The following CASR variants were observed in gnomAD, a reference collection of about 807,000 sequenced individuals.
The protein encoded by CASR is extracellular calcium-sensing receptor.
Under a neutral mutation model 69.1 loss-of-function variants are expected in CASR, and 23 were observed. That is an observed-to-expected ratio of 0.33 (90% CI 0.24 to 0.47). CASR has a LOEUF of 0.47. Among genes scored for constraint, CASR ranks in the 20% least tolerant of loss-of-function variants. The pLI is 1.00. For synonymous variants in CASR, 541 were observed against 544.7 expected (o/e 0.99, Z 0.10); for missense variants, 924 against 1,356.1 (o/e 0.68, Z 5.00).
chr3:122,264,913 C>T (rs1297009719), intron 4 of CASR, among the ~76,000 whole-genome samples: 1 of 152,192 alleles, frequency 6.6e-6, no homozygotes, highest in Non-Finnish European at 1.5e-5. Context: ...ATAATCTAAT[C>T]CAAGTCTCCA....
intron 1 of CASR, among the ~76,000 whole-genome samples, chr3:122,209,129 A>G (rs1210257114): frequency 6.6e-6 from 1 of 152,200 alleles, no homozygotes; most frequent in Non-Finnish European, 1.5e-5. Flanking sequence ...TACGTGACTC[A>G]GTAGGTCTGA....
intron 5 of CASR, among the ~76,000 whole-genome samples, chr3:122,281,480 C>T (rs942073904): frequency 1.3e-5 from 2 of 152,100 alleles, no homozygotes; most frequent in Non-Finnish European, 2.9e-5. Context: ...TTAATGTTTT[C>T]TCTATATGAA....
chr3:122,253,075 A>G (rs1393828906), intron 1 of CASR, among the ~76,000 whole-genome samples: 2 of 152,238 alleles, frequency 1.3e-5, no homozygotes, highest in African/African-American at 2.4e-5. Flanking sequence ...TGAATTTCGT[A>G]TAAGAACTGT....
chr3:122,232,636 G>A (rs12630852), intron 1 of CASR, among the ~76,000 whole-genome samples: 11,436 of 152,176 alleles, frequency 0.075, 959 homozygotes, highest in East Asian at 0.49. Context: ...CCCAGGAATC[G>A]CCAGGTGGGA....
intron 1 of CASR, among the ~76,000 whole-genome samples, chr3:122,231,303 T>C (rs1246034724): frequency 6.6e-6 from 1 of 152,134 alleles, no homozygotes; most frequent in African/African-American, 2.4e-5. Flanking sequence ...TGGGCTAAAC[T>C]AGGCATTCTA....
At chr3:122,226,388 C>T (rs999514329) in intron 1 of CASR, among the ~76,000 whole-genome samples, 7 of 152,022 alleles carry the variant, frequency 4.6e-5, no homozygotes, top group African/African-American at 1.5e-4. Context: ...TGCAGACCTT[C>T]GCAGTGAGTG....
rs375005541 is a variant in CASR, at chr3:122,261,944, C to G, written c.909C>G (p.Ser303=). 4.8e-5 allele frequency: 78 copies of G among 1,614,052 alleles called. No individual in the cohort carries two copies. The highest frequency in any genetic ancestry group is 1.3e-4 in the Admixed American group (8 of 60,012). ...CCAGCGAGGCCTGGGCCAGCTCCTC[C>G]CTGATCGCCATGCCTCAGTACTTCC... ...WLASEAWASS[S]LIAMPQYFHV... is the part of the protein sequence containing the mutation. Residue 303 remains serine, a synonymous_variant, in exon 4 of 7, where the codon TCC becomes TCG. Transcript: ENST00000639785.
rs2074627999 is a variant in CASR, at chr3:122,261,855, C to T, written c.820C>T (p.Pro274Ser). 2 of 1,614,058 alleles carry T rather than the reference C, an allele frequency of 1.2e-6. No homozygotes were observed. Among genetic ancestry groups the T allele is most frequent in the African/African-American group, 1.3e-5 (1 of 74,928 alleles). Residue 274 changes from proline to serine, a missense_variant, in exon 4 of 7, where the codon CCA becomes TCA. Coordinates refer to ENST00000639785, the MANE Select transcript of CASR (RefSeq NM_000388.4). ...AKVIVVFSSG[P>S]DLEPLIKEIV... ...AGTCATCGTGGTTTTCTCCAGTGGC[C>T]CAGATCTTGAGCCCCTCATCAAGGA...
At chr3:122,213,828 C>T (rs1410077293) in intron 1 of CASR, among the ~76,000 whole-genome samples, 2 of 152,230 alleles carry the variant, frequency 1.3e-5, no homozygotes. Context: ...TCTGAGATGA[C>T]TTACTCATAC....
chr3:122,282,555 A>C (rs532701031), intron 6 of CASR, among the ~76,000 whole-genome samples: 3 of 152,288 alleles, frequency 2.0e-5, no homozygotes, highest in South Asian at 4.1e-4. Context: ...CAGACTCCAG[A>C]GTTAATAGGC....
chr3:122,257,092 G>T lies in CASR; in HGVS notation c.197G>T (p.Arg66Leu), dbSNP rs1276839362. ...CTTCTTTCTTCCAGGTATAATTTCC[G>T]TGGGTTTCGCTGGTTACAGGCTATG... is the stretch of plus-strand genomic sequence containing the variant. ...ESVECIRYNF[R>L]GFRWLQAMIF... Residue 66 changes from arginine (R) to leucine (L), a missense_variant, in exon 3 of 7, where the codon CGT becomes CTT. By Grantham distance (102) the Arg-to-Leu change is moderately radical. This residue lies in a region of CASR where 141 missense variants were observed against 283.0 expected (regional missense o/e 0.50). Coordinates refer to ENST00000639785, the MANE Select transcript of CASR (RefSeq NM_000388.4). 6.2e-7 allele frequency: 1 copy of T among 1,613,928 alleles called. No individual in the cohort carries two copies. The highest frequency in any genetic ancestry group is 8.5e-7 in the Non-Finnish European group (1 of 1,179,876).
chr3:122,202,023 C>T (rs1429987929), intron 1 of CASR, among the ~76,000 whole-genome samples: 5 of 152,148 alleles, frequency 3.3e-5, no homozygotes, highest in African/African-American at 9.7e-5. Flanking sequence ...GGGTGGCAGC[C>T]GGGCAGAGGC....
At chr3:122,268,976 A>C (rs2074724145) in intron 4 of CASR, among the ~76,000 whole-genome samples, 1 of 152,216 alleles carries the variant, frequency 6.6e-6, no homozygotes, top group South Asian at 2.1e-4. Flanking sequence ...GAGTATAAAC[A>C]GGGTTATTGA....
intron 4 of CASR, among the ~76,000 whole-genome samples, chr3:122,268,163 G>A (rs890945793): frequency 6.6e-6 from 1 of 152,162 alleles, no homozygotes; most frequent in Non-Finnish European, 1.5e-5. Context: ...TCTCTCACCT[G>A]AGAAATAGAG....
intron 1 of CASR, among the ~76,000 whole-genome samples, chr3:122,252,403 G>GAAGA (rs2074498656): frequency 7.3e-5 from 1 of 13,696 alleles, no homozygotes; most frequent in African/African-American, 2.5e-4. Context: ...AGGAAGGAAG[G>GAAGA]AAGGAAAAAG....
At chr3:122,276,915 G>A (rs2074828165) in intron 5 of CASR, among the ~76,000 whole-genome samples, 1 of 152,106 alleles carries the variant, frequency 6.6e-6, no homozygotes, top group Non-Finnish European at 1.5e-5. Flanking sequence ...TAAGAATCCA[G>A]GTCCTCTGTA....
rs2074939020 is a variant in CASR at position 122,284,412 on chromosome 3, T to G, written c.2458T>G (p.Ser820Ala). The G allele has an allele frequency of 6.2e-7, 1 of 1,614,022 alleles. No homozygotes were observed. Among genetic ancestry groups the G allele is most frequent in the Non-Finnish European group, 8.5e-7 (1 of 1,180,048 alleles). Residue 820 changes from serine (S) to alanine (A), a missense_variant, in exon 7 of 7, where the codon TCC becomes GCC. Transcript: ENST00000639785. ...SMLIFFIVWISFIPAYASTYG... is the reference protein window; with the variant it reads ...SMLIFFIVWIAFIPAYASTYG... ...GCTCATCTTCTTCATCGTCTGGATC[T>G]CCTTCATTCCAGCCTATGCCAGCAC...
At chr3:122,212,500 C>T (rs547109894) in intron 1 of CASR, among the ~76,000 whole-genome samples, 152 of 152,218 alleles carry the variant, frequency 1.0e-3, no homozygotes, top group Non-Finnish European at 1.3e-3. Flanking sequence ...CAAACCACCA[C>T]GGCACATGTT....
intron 3 of CASR, 141 bp downstream of exon 3, chr3:122,257,528 C>G: frequency 3.2e-6 from 2 of 626,736 alleles, no homozygotes. Context: ...TATGCTGTAT[C>G]ATGACCATTT....
Sources: gnomAD v4.1 joint callset for allele counts (sites outside exome capture counted in the v4.1 genomes callset) on GRCh38, gnomAD v4.1.1 for gene constraint, gnomAD v4.1.1 regional missense constraint, MANE v1.5 for transcripts, NCBI Gene and HGNC (gene_info 2026-07-23, HGNC 2026-07-21) for gene names.